SCHIP1: variants seen among roughly 807,000 people sequenced by gnomAD.
SCHIP1 encodes the protein schwannomin interacting protein 1, also known as schwannomin-interacting protein 1.
A neutral mutation model predicts 29.7 loss-of-function variants in SCHIP1; 8 were observed. That is an observed-to-expected ratio of 0.27 (90% CI 0.16 to 0.49). SCHIP1 has a LOEUF of 0.49. Among genes scored for constraint, SCHIP1 ranks in the 20% least tolerant of loss-of-function variants. The pLI, the probability that SCHIP1 is intolerant of heterozygous loss-of-function variation, is 0.99. For missense variants in SCHIP1, 193 were observed against 294.6 expected (o/e 0.66, Z 2.52); for synonymous variants, 76 against 94.9 (o/e 0.80, Z 1.16).
intron 1 of SCHIP1, among the ~76,000 whole-genome samples, chr3:159,842,353 T>C (rs1192298210): frequency 6.6e-6 from 1 of 152,198 alleles, no homozygotes; most frequent in African/African-American, 2.4e-5. Flanking sequence ...TGTGCTTTTG[T>C]ATAGATGTAC....
chr3:159,844,831 TGACCGCCCCA>T (rs1711563401), intron 1 of SCHIP1, among the ~76,000 whole-genome samples: 1 of 152,240 alleles, frequency 6.6e-6, no homozygotes, highest in Admixed American at 6.5e-5. Flanking sequence ...AATTCCCTTA[TGACCGCCCCA>T]GATATAGATC....
At chr3:159,675,375 G>A in the SCHIP1 span, among the ~76,000 whole-genome samples, 13 of 152,160 alleles carry the variant, frequency 8.5e-5, no homozygotes, top group African/African-American at 1.2e-4. Context: ...TGAAACACAC[G>A]TATAGATGAG....
chr3:159,830,584 A>G, the SCHIP1 span, among the ~76,000 whole-genome samples: 1 of 152,198 alleles, frequency 6.6e-6, no homozygotes. Context: ...TTATAAGGCT[A>G]AAAAATTATA....
chr3:159,390,064 A>T, the SCHIP1 span, among the ~76,000 whole-genome samples: 1 of 152,078 alleles, frequency 6.6e-6, no homozygotes, highest in African/African-American at 2.4e-5. Context: ...GCATATATAT[A>T]TATAAAATGT....
chr3:159,788,593 C>A, the SCHIP1 span, among the ~76,000 whole-genome samples: 6 of 152,130 alleles, frequency 3.9e-5, no homozygotes, highest in African/African-American at 1.4e-4. Context: ...TTTCCAAGAG[C>A]CCCCTCTCAG....
At chr3:159,520,612 G>A in the SCHIP1 span, among the ~76,000 whole-genome samples, 5 of 152,112 alleles carry the variant, frequency 3.3e-5, no homozygotes, top group East Asian at 3.8e-4. Flanking sequence ...GTCTTCTAGT[G>A]TGCATTCCAT....
At chr3:159,892,727 T>TAAAGAGGTA in intron 6 of SCHIP1, 1 of 156,598 alleles carries the variant, frequency 6.4e-6, no homozygotes, top group South Asian at 2.0e-4. Flanking sequence ...TGCCTCTTTG[T>TAAAGAGGTA]AAAGAGGTAA....
chr3:159,632,770 G>C, the SCHIP1 span, among the ~76,000 whole-genome samples: 1 of 152,180 alleles, frequency 6.6e-6, no homozygotes, highest in Non-Finnish European at 1.5e-5. Flanking sequence ...ACTATGATGA[G>C]CTCCCAGGAA....
the SCHIP1 span, among the ~76,000 whole-genome samples, chr3:159,442,294 A>T: frequency 6.6e-6 from 1 of 152,138 alleles, no homozygotes; most frequent in African/African-American, 2.4e-5. Flanking sequence ...TTGCTTGGAG[A>T]ACAGCACCTC....
chr3:159,885,926 A>C (rs1307649055), intron 2 of SCHIP1, among the ~76,000 whole-genome samples: 5 of 152,184 alleles, frequency 3.3e-5, no homozygotes, highest in Admixed American at 6.5e-5. Flanking sequence ...ACACATTTTT[A>C]TTGTGCACCA....
chr3:159,854,543 C>G (rs1403219145), intron 1 of SCHIP1, among the ~76,000 whole-genome samples: 1 of 152,140 alleles, frequency 6.6e-6, no homozygotes, highest in Non-Finnish European at 1.5e-5. Context: ...CTTGTGATCC[C>G]CAAGACAGGA....
chr3:159,727,632 A>G, the SCHIP1 span, among the ~76,000 whole-genome samples: 2 of 152,330 alleles, frequency 1.3e-5, no homozygotes, highest in East Asian at 3.9e-4. Context: ...TATAGGATGA[A>G]TCAAGTTTCC....
the SCHIP1 span, among the ~76,000 whole-genome samples, chr3:159,497,064 A>G: frequency 6.6e-6 from 1 of 152,140 alleles, no homozygotes; most frequent in Non-Finnish European, 1.5e-5. Context: ...ATGAGAACAC[A>G]TGGACACAGG....
At chr3:159,623,483 G>A in the SCHIP1 span, among the ~76,000 whole-genome samples, 6 of 151,982 alleles carry the variant, frequency 3.9e-5, no homozygotes, top group Non-Finnish European at 7.4e-5. Flanking sequence ...AAAATTAGCC[G>A]GGCATGGTGG....
At chr3:159,566,679 G>A in the SCHIP1 span, among the ~76,000 whole-genome samples, 33 of 152,268 alleles carry the variant, frequency 2.2e-4, 1 homozygote, top group African/African-American at 7.7e-4. Flanking sequence ...CAGTGCAAAT[G>A]CCCAGAGGTA....
rs77310831 is a variant in SCHIP1, at chr3:159,891,836, G to A, written c.590-261G>A. On this transcript the variant is annotated intron_variant, in intron 5 of 6. Coordinates refer to ENST00000445224, the Ensembl canonical transcript of SCHIP1. ...CAAAACCTGCTTTTTCTAACAAGCTGTTCTCCTAACAGCTAACAATTTCTT... is the reference window on the plus strand; with the variant it reads ...CAAAACCTGCTTTTTCTAACAAGCTATTCTCCTAACAGCTAACAATTTCTT... 4.7e-3 allele frequency among the ~76,000 whole-genome samples: 709 copies of A among 152,278 alleles called. 8 individuals carry two copies. Among genetic ancestry groups the A allele is most frequent in the African/African-American group, 0.016 (680 of 41,550 alleles).
the SCHIP1 span, among the ~76,000 whole-genome samples, chr3:159,403,812 G>T: frequency 6.6e-6 from 1 of 152,118 alleles, no homozygotes; most frequent in African/African-American, 2.4e-5. Context: ...CATGAGCCAA[G>T]GTGGCACCAC....
chr3:159,458,592 G>T, the SCHIP1 span, among the ~76,000 whole-genome samples: 1 of 151,252 alleles, frequency 6.6e-6, no homozygotes, highest in Non-Finnish European at 1.5e-5. Context: ...GGAGTTAATG[G>T]TTTGGGCTGG....
At chr3:159,827,540 A>C in the SCHIP1 span, among the ~76,000 whole-genome samples, 147 of 152,290 alleles carry the variant, frequency 9.7e-4, no homozygotes, top group Admixed American at 1.6e-3. Flanking sequence ...TTTTGAAAAT[A>C]GAAGCCTGTA....
Sources: allele counts gnomAD v4.1 joint callset (sites outside exome capture counted in the v4.1 genomes callset), GRCh38; gene constraint gnomAD v4.1.1; transcripts MANE v1.5; gene names NCBI Gene and HGNC (gene_info 2026-07-23, HGNC 2026-07-21).